Variants in MCTP1 observed in about 807,000 individuals in gnomAD.
MCTP1 encodes multiple C2 and transmembrane domain-containing protein 1.
Under a neutral mutation model 120.6 loss-of-function variants are expected in MCTP1, and 69 were observed. The ratio of observed to expected loss-of-function variants is 0.57; its 90% CI spans 0.47 to 0.70. The LOEUF (loss-of-function observed/expected upper bound fraction) is 0.70. Among genes scored for constraint, MCTP1 ranks in the 30% least tolerant of loss-of-function variants. The pLI, the probability that MCTP1 is intolerant of heterozygous loss-of-function variation, is 0.00. For missense variants in MCTP1, 1,203 were observed against 1,248.8 expected, an observed-to-expected ratio of 0.96 and a Z score of 0.55; for synonymous variants, 529 against 493.1, an observed-to-expected ratio of 1.07 and a Z score of -0.96.
intron 17 of MCTP1, among the ~76,000 whole-genome samples, chr5:94,834,413 A>G (rs1157203698): frequency 1.3e-5 from 2 of 152,194 alleles, no homozygotes; most frequent in Non-Finnish European, 2.9e-5. Context: ...TATTTTTTAC[A>G]ATGTGCAGAA....
intron 17 of MCTP1, among the ~76,000 whole-genome samples, chr5:94,819,569 A>G (rs1430445118): frequency 6.6e-6 from 1 of 152,176 alleles, no homozygotes; most frequent in Non-Finnish European, 1.5e-5. Context: ...GTGGTTTCCA[A>G]TCTTTGCAGA....
intron 2 of MCTP1, among the ~76,000 whole-genome samples, chr5:94,973,682 G>C (rs945509142): frequency 6.6e-6 from 1 of 151,956 alleles, no homozygotes; most frequent in Non-Finnish European, 1.5e-5. Flanking sequence ...CCTAAAACTG[G>C]GTGTCTTTCT....
At chr5:95,254,243 A>G (rs1228523611) in intron 1 of MCTP1, among the ~76,000 whole-genome samples, 1 of 152,180 alleles carries the variant, frequency 6.6e-6, no homozygotes, top group African/African-American at 2.4e-5. Context: ...AACAGCTAAC[A>G]TTTGTTACGG....
intron 1 of MCTP1, among the ~76,000 whole-genome samples, chr5:95,049,167 C>A (rs1745276224): frequency 6.6e-6 from 1 of 152,092 alleles, no homozygotes; most frequent in South Asian, 2.1e-4. Context: ...GTGAGGAGCC[C>A]ACAGTGCTGA....
At chr5:95,241,995 T>C (rs911260911) in intron 1 of MCTP1, among the ~76,000 whole-genome samples, 2 of 152,148 alleles carry the variant, frequency 1.3e-5, no homozygotes, top group Admixed American at 6.6e-5. Flanking sequence ...TTAATGAACG[T>C]CAACACCTTT....
At chr5:94,709,376 C>T (rs1012271065) in intron 21 of MCTP1, 3 of 152,098 alleles carry the variant, frequency 2.0e-5, no homozygotes, top group African/African-American at 7.2e-5. Flanking sequence ...GAGGCCCAAA[C>T]ACATTCTGCA....
At chr5:94,715,209 G>A (rs762090865) in intron 19 of MCTP1, among the ~76,000 whole-genome samples, 19 of 151,860 alleles carry the variant, frequency 1.3e-4, no homozygotes, top group Non-Finnish European at 1.9e-4. Context: ...TACCAAACCC[G>A]GATTCTACAG....
At chr5:95,035,605 T>G (rs1358221800) in intron 1 of MCTP1, among the ~76,000 whole-genome samples, 1 of 152,038 alleles carries the variant, frequency 6.6e-6, no homozygotes, top group Non-Finnish European at 1.5e-5. Flanking sequence ...GCTGAAAAAC[T>G]ACTTATTGGG....
chr5:94,858,376 C>T (rs1047828957), intron 17 of MCTP1, among the ~76,000 whole-genome samples: 3 of 151,606 alleles, frequency 2.0e-5, no homozygotes, highest in Non-Finnish European at 4.4e-5. Context: ...AAAAGTTCAT[C>T]AAAACATAAG....
intron 2 of MCTP1, among the ~76,000 whole-genome samples, chr5:94,957,806 C>T (rs547990500): frequency 6.6e-6 from 1 of 152,294 alleles, no homozygotes; most frequent in South Asian, 2.1e-4. Context: ...CTTAGACTCC[C>T]ACACAATAAT....
chr5:95,211,281 G>T (rs945193851), intron 1 of MCTP1, among the ~76,000 whole-genome samples: 2 of 152,116 alleles, frequency 1.3e-5, no homozygotes, highest in South Asian at 2.1e-4. Context: ...TTCCAACTTG[G>T]TTCCATTCTC....
chr5:95,106,101 T>C (rs144128798), intron 1 of MCTP1, among the ~76,000 whole-genome samples: 3 of 152,342 alleles, frequency 2.0e-5, no homozygotes, highest in African/African-American at 7.2e-5. Flanking sequence ...CCTGACATGG[T>C]GATCATCTGC....
chr5:94,725,195 G>T (rs370497435), intron 19 of MCTP1, among the ~76,000 whole-genome samples: 1 of 151,680 alleles, frequency 6.6e-6, no homozygotes, highest in Admixed American at 6.5e-5. Context: ...CATTTGAAAA[G>T]AAAAGAAAAA....
chr5:94,720,915 T>C (rs1760740708), intron 19 of MCTP1, among the ~76,000 whole-genome samples: 1 of 152,214 alleles, frequency 6.6e-6, no homozygotes, highest in Non-Finnish European at 1.5e-5. Context: ...ACAACCATCC[T>C]ACAATGTAGT....
chr5:94,890,548 G>T (rs930747699), intron 11 of MCTP1, among the ~76,000 whole-genome samples: 7 of 151,994 alleles, frequency 4.6e-5, no homozygotes, highest in African/African-American at 1.7e-4. Flanking sequence ...CAATCAAATT[G>T]ATGACTAAAA....
chr5:94,912,747 G>A, intron 9 of MCTP1, 59 bp downstream of exon 9: 1 of 1,372,136 alleles, frequency 7.3e-7, no homozygotes, highest in Non-Finnish European at 9.7e-7. Flanking sequence ...CTAAAGCAGG[G>A]CTATTAACCA....
chr5:94,913,258 C>A (rs1418973059), intron 8 of MCTP1, among the ~76,000 whole-genome samples: 1 of 152,098 alleles, frequency 6.6e-6, no homozygotes, highest in Non-Finnish European at 1.5e-5. Context: ...TCAAGAATAT[C>A]AGAGAATATT....
chr5:94,936,114 T>C (rs1043645970), intron 5 of MCTP1, among the ~76,000 whole-genome samples: 1 of 152,008 alleles, frequency 6.6e-6, no homozygotes, highest in Admixed American at 6.6e-5. Context: ...GCAATAAGGC[T>C]TGATTTCAAG....
At position 94,706,210 on chromosome 5, in the gene MCTP1, C is replaced by T. The variant is rs1185504817; in HGVS notation, c.*1286G>A. The T allele has an allele frequency of 1.3e-5, 2 of 151,464 alleles. No homozygotes were observed. The highest frequency in any genetic ancestry group is 1.9e-4 in the East Asian group (1 of 5,154). 9.4% of individuals were successfully genotyped at this position (151,464 alleles called of 1,614,324 possible). ...GCTGCAATTTCAACTGAGTGTAGTC[C>T]CCTACCAAGTCAGGGAAGTAAGACA... On this transcript the variant is annotated 3_prime_UTR_variant, in exon 23 of 23. Coordinates refer to ENST00000515393, the MANE Select transcript of MCTP1 (RefSeq NM_024717.7).
Sources: allele counts gnomAD v4.1 joint callset (sites outside exome capture counted in the v4.1 genomes callset), GRCh38; gene constraint gnomAD v4.1.1; transcripts MANE v1.5; gene names NCBI Gene and HGNC (gene_info 2026-07-23, HGNC 2026-07-21).